The following PNPLA1 variants were observed in gnomAD, a reference collection of about 807,000 sequenced individuals.
PNPLA1 encodes the protein patatin like domain 1, omega-hydroxyceramide transacylase.
In PNPLA1, 36 loss-of-function variants were observed where a neutral mutation model predicts 51.7. The observed-to-expected ratio is 0.70, with a 90% CI of 0.53 to 0.92. The LOEUF (loss-of-function observed/expected upper bound fraction) is 0.92. PNPLA1 is among the 40% of genes least tolerant of loss of function. The pLI is 0.00. For synonymous variants in PNPLA1, 293 were observed against 280.1 expected (o/e 1.05, Z -0.46); for missense variants, 658 against 682.5 (o/e 0.96, Z 0.40).
At chr6:36,255,668 C>T (rs1769517253) in intron 1 of PNPLA1, among the ~76,000 whole-genome samples, 1 of 145,410 alleles carries the variant, frequency 6.9e-6, no homozygotes, top group Non-Finnish European at 1.5e-5. Context: ...GCCTGAGCAA[C>T]AAGAGTGAAA....
intron 1 of PNPLA1, among the ~76,000 whole-genome samples, chr6:36,260,626 T>C (rs540992275): frequency 6.6e-6 from 1 of 152,326 alleles, no homozygotes; most frequent in Non-Finnish European, 1.5e-5. Flanking sequence ...TTTATCCTTA[T>C]ATCTGCAAGT....
intron 1 of PNPLA1, among the ~76,000 whole-genome samples, chr6:36,277,660 T>A (rs1271831001): frequency 6.6e-6 from 1 of 152,202 alleles, no homozygotes; most frequent in Non-Finnish European, 1.5e-5. Context: ...GGCCAAGAGT[T>A]TGAGGCCAGA....
At chr6:36,299,699 G>T (rs551638638) in intron 5 of PNPLA1, among the ~76,000 whole-genome samples, 2 of 152,086 alleles carry the variant, frequency 1.3e-5, no homozygotes, top group African/African-American at 4.8e-5. Flanking sequence ...GGTGCATGTC[G>T]GTAACTTATT....
chr6:36,290,345 G>C (rs10947597), intron 1 of PNPLA1, among the ~76,000 whole-genome samples: 55,029 of 152,078 alleles, frequency 0.36, 10,571 homozygotes, highest in Non-Finnish European at 0.42. Flanking sequence ...AAGCAGGTGT[G>C]GGCTCGGCTG....
At chr6:36,279,018 T>C (rs1436782374) in intron 1 of PNPLA1, among the ~76,000 whole-genome samples, 2 of 152,150 alleles carry the variant, frequency 1.3e-5, no homozygotes, top group Admixed American at 1.3e-4. Flanking sequence ...AAGGCCCCTC[T>C]GAGGTGGATG....
chr6:36,293,217 C>G (rs1397004791), intron 3 of PNPLA1, 91 bp downstream of exon 3: 1 of 1,285,098 alleles, frequency 7.8e-7, no homozygotes, highest in East Asian at 2.3e-5. Context: ...GGGGTGGTCT[C>G]AGAATGCAGC....
At chr6:36,257,302 G>T (rs771953357) in intron 1 of PNPLA1, among the ~76,000 whole-genome samples, 1 of 152,156 alleles carries the variant, frequency 6.6e-6, no homozygotes, top group South Asian at 2.1e-4. Flanking sequence ...AACAGAAATT[G>T]CTTAAATAAG....
At position 36,300,649 on chromosome 6, in the gene PNPLA1, G is replaced by A. The variant is rs188109884; in HGVS notation, c.776-1212G>A. Among the ~76,000 whole-genome samples the A allele has an allele frequency of 1.3e-4, 20 of 152,258 alleles. 1 individual carries two copies. In the East Asian group the frequency reaches 3.9e-3, roughly 29 times the overall value. Reference sequence around the variant, plus strand: ...TCACATCACGTTACCTCATGGGCACGTGCTGCCAACATGACGTATCCCTGC... The same window carrying A: ...TCACATCACGTTACCTCATGGGCACATGCTGCCAACATGACGTATCCCTGC... On this transcript the variant is annotated intron_variant, in intron 5 of 8. Transcript: ENST00000636260.
intron 1 of PNPLA1, among the ~76,000 whole-genome samples, chr6:36,282,092 G>GAAAGAAAGAAAGAAAGAAAGAAAAGAAA (rs59914317): frequency 4.9e-5 from 2 of 40,718 alleles, no homozygotes; most frequent in African/African-American, 2.3e-4. Context: ...AAAGAAAGAA[G>GAAAGAAAGAAAGAAAGAAAGAAAAGAAA]GAAGGAAGGA....
intron 5 of PNPLA1, among the ~76,000 whole-genome samples, chr6:36,300,702 G>A (rs1771015574): frequency 6.6e-6 from 1 of 152,140 alleles, no homozygotes; most frequent in Admixed American, 6.5e-5. Flanking sequence ...GCCTGGCCGA[G>A]GTAGTGTCCA....
In PNPLA1 at chr6:36,293,113, C is replaced by G. The variant is rs1281712964; in HGVS notation, c.491C>G (p.Thr164Ser). The change falls in exon 3 of 9, where the codon ACT (threonine) becomes AGT (serine). Residue 164 changes from threonine to serine, a missense_variant. Physicochemically the swap from Thr to Ser is moderately conservative, Grantham distance 58. Transcript: ENST00000636260. ...GTGTACTGTGGCCTCATCCCCCCGA[C>G]TTACCGCGGTGTGGTGAGTGCTTCG... is the stretch of plus-strand genomic sequence containing the variant. Reference protein sequence around the residue: ...VPVYCGLIPPTYRGVRYIDGG... With the variant: ...VPVYCGLIPPSYRGVRYIDGG... 2 of 1,613,964 alleles carry G rather than the reference C, an allele frequency of 1.2e-6. No individual in the cohort carries two copies. Among genetic ancestry groups the G allele is most frequent in the African/African-American group, 1.3e-5 (1 of 74,916 alleles).
chr6:36,250,617 A>G (rs1475107837), intron 1 of PNPLA1, among the ~76,000 whole-genome samples: 1 of 152,190 alleles, frequency 6.6e-6, no homozygotes, highest in African/African-American at 2.4e-5. Context: ...CATTCTAGGT[A>G]TTAGGGTCAT....
rs998986566 is a variant in PNPLA1, at chr6:36,306,454, C to T, written c.1469+78C>T. The stretch of plus-strand genomic sequence containing the variant: ...CCCGGCTAAGCGATATCTTCCACCA[C>T]CTTAGCTGCCCCAGGAACTCTGGGA... On this transcript the variant is annotated intron_variant, in intron 7 of 8. Transcript: ENST00000636260. 6.4e-6 allele frequency: 8 copies of T among 1,257,062 alleles called. No individual in the cohort carries two copies. The African/African-American group carries it at 1.1e-4, about 17-fold the overall frequency. The allele number at this position is 1,257,062 out of a possible 1,614,324, so 77.9% of individuals were successfully genotyped here.
intron 5 of PNPLA1, 81 bp downstream of exon 5, chr6:36,295,505 G>A: frequency 7.0e-7 from 1 of 1,437,722 alleles, no homozygotes; most frequent in South Asian, 1.1e-5. Context: ...GAATGGAGGG[G>A]TATTCCCCCC....
chr6:36,268,031 G>T (rs919122864), upstream of PNPLA1, among the ~76,000 whole-genome samples: 58 of 152,218 alleles, frequency 3.8e-4, no homozygotes, highest in African/African-American at 1.2e-3. Flanking sequence ...TCCTGCAGCT[G>T]CCACCCTGGC....
chr6:36,307,544 G>A (rs367615825), intron 7 of PNPLA1, 43 bp from the exon 8 acceptor site: 34 of 1,603,860 alleles, frequency 2.1e-5, no homozygotes, highest in Non-Finnish European at 2.8e-5. Flanking sequence ...GGAGGACCGA[G>A]GTCAGGCCCA....
In PNPLA1 at chr6:36,300,161, T is replaced by TTGTGTGTGTGTGTGTG. The variant is rs145503312; in HGVS notation, c.776-1697_776-1682dup. On this transcript the variant is annotated intron_variant, in intron 5 of 8. Coordinates refer to ENST00000636260, the MANE Select transcript of PNPLA1 (RefSeq NM_001374623.1). ...ACAGTTTCTCAGACTTTTCTTATTC[T>TTGTGTGTGTGTGTGTG]TGTGTGTGTGTGTGTGTGAGAGAGA... Among the ~76,000 whole-genome samples, 616 of 102,880 alleles carry TTGTGTGTGTGTGTGTG rather than the reference T, an allele frequency of 6.0e-3. 8 individuals carry two copies. The highest frequency in any genetic ancestry group is 0.039 in the East Asian group (135 of 3,472). 67.5% of individuals were successfully genotyped at this position (102,880 alleles called of 152,430 possible). A position where few individuals can be genotyped will look rare whatever the true frequency, so the allele number is the denominator to read the frequency against.
In PNPLA1 at chr6:36,295,348, G is replaced by C; in HGVS notation, c.715-16G>C. The C allele has an allele frequency of 6.2e-7, 1 of 1,614,148 alleles. No homozygotes were observed. The highest frequency in any genetic ancestry group is 8.5e-7 in the Non-Finnish European group (1 of 1,179,972). On this transcript the variant is annotated splice_polypyrimidine_tract_variant and intron_variant, in intron 4 of 8. Coordinates refer to ENST00000636260, the MANE Select transcript of PNPLA1 (RefSeq NM_001374623.1). ...CCCCGCAGCCTTGGTAATTCTCCTG[G>C]TGCCTCCGCCCACAGATCCTGCACG...
intron 1 of PNPLA1, among the ~76,000 whole-genome samples, chr6:36,284,611 C>T (rs573971301): frequency 7.2e-5 from 11 of 152,102 alleles, no homozygotes; most frequent in African/African-American, 2.4e-4. Context: ...ATCCGGCTGA[C>T]ATTTACTGAG....
Sources: allele counts gnomAD v4.1 joint callset (sites outside exome capture counted in the v4.1 genomes callset), GRCh38; gene constraint gnomAD v4.1.1; transcripts MANE v1.5; gene names NCBI Gene and HGNC (gene_info 2026-07-23, HGNC 2026-07-21).